CNTRL: variants seen among roughly 807,000 people sequenced by gnomAD.
CNTRL encodes the protein centriolin, also known as 110 kDa centrosomal protein.
Under a neutral mutation model 303.7 loss-of-function variants are expected in CNTRL, and 233 were observed. The ratio of observed to expected loss-of-function variants is 0.77; its 90% confidence interval spans 0.69 to 0.86. The LOEUF (loss-of-function observed/expected upper bound fraction) is 0.86. Ranked by LOEUF, CNTRL falls within the 40% of genes least tolerant of loss-of-function variation. The probability of loss-of-function intolerance (pLI) is 0.00; values close to 1 mark genes in which losing one functional copy is unlikely to be tolerated. For synonymous variants in CNTRL, 900 were observed against 922.2 expected (o/e 0.98, Z 0.44); for missense variants, 2,524 against 2,650.6 (o/e 0.95, Z 1.05).
At chr9:121,143,464 C>G (rs370370725) in intron 19 of CNTRL, among the ~76,000 whole-genome samples, 11 of 152,214 alleles carry the variant, frequency 7.2e-5, no homozygotes, top group Admixed American at 5.2e-4. Context: ...TTCCTTTGTT[C>G]TTAGGAGTAA....
chr9:121,162,357 G>A, intron 34 of CNTRL, 86 bp downstream of exon 34: 2 of 1,179,620 alleles, frequency 1.7e-6, no homozygotes, highest in Admixed American at 1.8e-5. Context: ...GGAAAATAGA[G>A]AAAAAGATAA....
At chr9:121,171,258 A>G (rs1477293824) in intron 39 of CNTRL, 150 bp from the exon 40 acceptor site, 4 of 801,252 alleles carry the variant, frequency 5.0e-6, no homozygotes, top group Non-Finnish European at 8.6e-6. Context: ...TGATCTGCCC[A>G]TGAAAGGCCG....
intron 14 of CNTRL, among the ~76,000 whole-genome samples, chr9:121,126,327 T>G (rs915214810): frequency 6.6e-6 from 1 of 152,212 alleles, no homozygotes; most frequent in African/African-American, 2.4e-5. Flanking sequence ...AACATTATTT[T>G]ATAGCTAACA....
intron 2 of CNTRL, among the ~76,000 whole-genome samples, chr9:121,081,839 T>C (rs916299744): frequency 3.3e-5 from 5 of 152,226 alleles, no homozygotes; most frequent in African/African-American, 4.8e-5. Context: ...CATCATTGGC[T>C]ACTGGTTATC....
At chr9:121,081,219 A>G (rs887233304) in intron 2 of CNTRL, among the ~76,000 whole-genome samples, 6 of 152,330 alleles carry the variant, frequency 3.9e-5, no homozygotes, top group East Asian at 3.9e-4. Flanking sequence ...CACAGCTTAT[A>G]TGTACCCATA....
intron 3 of CNTRL, 135 bp from the exon 4 acceptor site, chr9:121,090,140 T>C (rs1290881497): frequency 2.0e-6 from 1 of 496,344 alleles, no homozygotes; most frequent in Non-Finnish European, 3.2e-6. Flanking sequence ...TAAAACATTA[T>C]GATTAGAAAT....
In CNTRL at chr9:121,175,027, C is replaced by G; in HGVS notation, c.6757C>G (p.Arg2253Gly). ...TTATCACACTTTTCAGGCCCAACTC[C>G]GACACTGTATGTCCAAGCAAGCAGA... ...HREDRLKAQL[R>G]HCMSKQAEVL... Residue 2253 changes from arginine (R) to glycine (G), a missense_variant, in exon 43 of 44, where the codon CGA becomes GGA. Coordinates refer to ENST00000373855, the MANE Select transcript of CNTRL (RefSeq NM_007018.6). The G allele has an allele frequency of 6.2e-7, 1 of 1,613,580 alleles. No homozygotes were observed. The highest frequency in any genetic ancestry group is 1.1e-5 in the South Asian group (1 of 91,028).
At chr9:121,158,143 C>T in intron 30 of CNTRL, 34 bp downstream of exon 30, 1 of 1,608,040 alleles carries the variant, frequency 6.2e-7, no homozygotes, top group Non-Finnish European at 8.5e-7. Flanking sequence ...AAACAACTGA[C>T]ACAGCACTTT....
chr9:121,145,186 T>A, intron 21 of CNTRL, 58 bp from the exon 22 acceptor site: 1 of 1,530,552 alleles, frequency 6.5e-7, no homozygotes, highest in South Asian at 1.2e-5. Flanking sequence ...AAAGGATAAA[T>A]GTGTTTGGGA....
intron 7 of CNTRL, among the ~76,000 whole-genome samples, chr9:121,100,632 A>G (rs1267248280): frequency 6.6e-6 from 1 of 152,250 alleles, no homozygotes; most frequent in Non-Finnish European, 1.5e-5. Context: ...ATAAAGAGTC[A>G]AGACCCATCT....
At chr9:121,137,409 T>A (rs1357474634) in intron 15 of CNTRL, among the ~76,000 whole-genome samples, 1 of 152,220 alleles carries the variant, frequency 6.6e-6, no homozygotes, top group Non-Finnish European at 1.5e-5. Context: ...TGTATCTGTT[T>A]GTTTCTGCTT....
Position 121,164,957 on chromosome 9 carries a change from C to A in CNTRL, c.5438C>A (p.Ala1813Glu), listed in dbSNP as rs765381326. 7.5e-6 allele frequency: 12 copies of A among 1,610,568 alleles called. No individual in the cohort carries two copies. The highest frequency in any genetic ancestry group is 2.7e-5 in the African/African-American group (2 of 74,614). Residue 1813 changes from alanine to glutamate, a missense_variant, in exon 35 of 44, where the codon GCA becomes GAA. By Grantham distance (107) the Ala-to-Glu change is moderately radical. Transcript: ENST00000373855. ...LAQTKRVLAAAEENSKMEQSN... is the reference protein window; with the variant it reads ...LAQTKRVLAAEEENSKMEQSN... ...CTCTGTGGTAGGGTTTTAGCAGCAG[C>A]AGAAGAAAATAGCAAAATGGAGCAA...
chr9:121,082,501 T>C (rs1458164069), intron 2 of CNTRL, among the ~76,000 whole-genome samples: 1 of 152,232 alleles, frequency 6.6e-6, no homozygotes, highest in African/African-American at 2.4e-5. Flanking sequence ...CAGAATTTGC[T>C]CTGTAAGATG....
At position 121,144,969 on chromosome 9, in the gene CNTRL, G is replaced by C. The variant is rs754028033; in HGVS notation, c.3168+10G>C. ...GCAGAAGGGGGAGCAGGTCAGTGTT[G>C]GTACCCAGAGACCTCCTCTTTCTCA... On this transcript the variant is annotated intron_variant, in intron 21 of 43. Coordinates refer to ENST00000373855, the MANE Select transcript of CNTRL (RefSeq NM_007018.6). The C allele has an allele frequency of 5.0e-6, 8 of 1,592,694 alleles. No individual in the cohort carries two copies. Among genetic ancestry groups the C allele is most frequent in the Admixed American group, 3.3e-5 (2 of 59,914 alleles).
At chr9:121,099,773 A>G (rs7020581) in intron 7 of CNTRL, among the ~76,000 whole-genome samples, 79,034 of 152,024 alleles carry the variant, frequency 0.52, 22,218 homozygotes, top group South Asian at 0.8. Flanking sequence ...CACAAGCTTC[A>G]GTAGCTGATT....
chr9:121,095,114 A>G, intron 5 of CNTRL, 96 bp downstream of exon 5: 1 of 900,394 alleles, frequency 1.1e-6, no homozygotes. Context: ...ATGATTTGAC[A>G]GAAACAGAAG....
At chr9:121,153,322 C>G (rs538508945) in intron 26 of CNTRL, among the ~76,000 whole-genome samples, 1 of 152,138 alleles carries the variant, frequency 6.6e-6, no homozygotes, top group Non-Finnish European at 1.5e-5. Context: ...GAAATCCACC[C>G]GTCTTTTTCT....
intron 39 of CNTRL, 40 bp from the exon 40 acceptor site, chr9:121,171,368 T>C (rs777143223): frequency 3.1e-6 from 5 of 1,611,312 alleles, no homozygotes; most frequent in Non-Finnish European, 4.2e-6. Context: ...CACACCTCCA[T>C]GTGTTAGATC....
intron 37 of CNTRL, 28 bp downstream of exon 37, chr9:121,167,705 A>C: frequency 6.3e-7 from 1 of 1,595,582 alleles, no homozygotes; most frequent in South Asian, 1.1e-5. Flanking sequence ...TTTTACATAA[A>C]AAAAGCATTT....
Sources: allele counts gnomAD v4.1 joint callset (sites outside exome capture counted in the v4.1 genomes callset), GRCh38; gene constraint gnomAD v4.1.1; transcripts MANE v1.5; gene names NCBI Gene and HGNC (gene_info 2026-07-23, HGNC 2026-07-21).